Variants in KIF1A observed in about 807,000 individuals in gnomAD.
KIF1A encodes kinesin-like protein KIF1A.
In KIF1A, 46 loss-of-function variants were observed where a neutral mutation model predicts 227.3. That is an observed-to-expected ratio of 0.20 (90% CI 0.16 to 0.26). The LOEUF (loss-of-function observed/expected upper bound fraction) is 0.26. Ranked by LOEUF, KIF1A falls within the 10% of genes least tolerant of loss-of-function variation. The pLI is 1.00. For synonymous variants in KIF1A, 1,022 were observed against 1,012.8 expected (o/e 1.01, Z -0.17); for missense variants, 1,683 against 2,485.9 (o/e 0.68, Z 6.87).
rs1553625168 is a variant in KIF1A, at chr2:240,722,546, G to A, written c.4575C>T (p.Gly1525=). The A allele has an allele frequency of 1.3e-6, 2 of 1,550,668 alleles. No homozygotes were observed. Among genetic ancestry groups the A allele is most frequent in the Non-Finnish European group, 1.7e-6 (2 of 1,147,516 alleles). The change falls in exon 43 of 49, where the codon GGC becomes GGT. Residue 1525 remains glycine, a synonymous_variant. Transcript: ENST00000498729. ...PAFSEDSESH[G]SSSASSPLSA... ...AGAGCGGGGAGGAGGCGCTGGAGGA[G>A]CCATGGGACTCAGAGTCCTCGCTGA...
chr2:240,813,352 C>G (rs970228962), intron 1 of KIF1A, among the ~76,000 whole-genome samples: 1 of 152,218 alleles, frequency 6.6e-6, no homozygotes, highest in African/African-American at 2.4e-5. Context: ...TTCCTGGGAC[C>G]TCAGCCCTGA....
chr2:240,744,485 A>ATC (rs1206269706), intron 32 of KIF1A, among the ~76,000 whole-genome samples: 1 of 152,200 alleles, frequency 6.6e-6, no homozygotes, highest in Non-Finnish European at 1.5e-5. Context: ...ATGAGAGTAT[A>ATC]TCCTGGGATA....
rs1017622352 is a variant in KIF1A, at chr2:240,725,160, G to C, written c.4256+111C>G. 1.8e-5 allele frequency: 22 copies of C among 1,192,282 alleles called. No homozygotes were observed. The Admixed American group carries it at 4.4e-4, about 24-fold the overall frequency. The allele number at this position is 1,192,282 out of a possible 1,614,324, so 73.9% of individuals were successfully genotyped here. Reference sequence around the variant, plus strand: ...CCAGCCAGGAGTGTGGCTGGGCCTCGCACAGGGTGAGCTGCCGGGTGGCCC... The same window carrying C: ...CCAGCCAGGAGTGTGGCTGGGCCTCCCACAGGGTGAGCTGCCGGGTGGCCC... On this transcript the variant is annotated intron_variant, in intron 40 of 48. Transcript: ENST00000498729. This position sits in a 1 kb window ranked among gnomAD's most constrained non-coding sequence, Gnocchi z 5.8.
At chr2:240,750,388 A>G (rs1259887916) in intron 28 of KIF1A, 41 bp downstream of exon 28, 1 of 1,483,014 alleles carries the variant, frequency 6.7e-7, no homozygotes, top group Non-Finnish European at 9.4e-7. Context: ...AGCCAGCCCC[A>G]GGGGCTCCAA....
chr2:240,750,445 G>A lies in KIF1A; in HGVS notation c.2961C>T (p.Ala987=), dbSNP rs778600504. 1.5e-5 allele frequency: 24 copies of A among 1,613,362 alleles called. No individual in the cohort carries two copies. The Admixed American group carries it at 1.5e-4, about 10-fold the overall frequency. ...CACACGCACCTGAGATGGCCTGGAC[G>A]GCCACGCGGAGGAAGCCCTTCACCT... ...KGEVKGFLRV[A]VQAISADEEA... is the part of the protein sequence containing the mutation. Residue 987 remains alanine, a synonymous_variant, in exon 28 of 49, where the codon GCC becomes GCT. Transcript: ENST00000498729.
At chr2:240,749,552 T>C (rs1201138301) in intron 28 of KIF1A, among the ~76,000 whole-genome samples, 1 of 152,144 alleles carries the variant, frequency 6.6e-6, no homozygotes, top group Non-Finnish European at 1.5e-5. Context: ...GGGGAGACCT[T>C]GGTGGAGGAG....
chr2:240,774,524 A>G (rs2125979935), intron 11 of KIF1A, among the ~76,000 whole-genome samples: 1 of 151,914 alleles, frequency 6.6e-6, no homozygotes, highest in African/African-American at 2.4e-5. Flanking sequence ...ATTTGGGGCC[A>G]TTTTACAACC....
chr2:240,755,706 A>G (rs1464284838), intron 27 of KIF1A, among the ~76,000 whole-genome samples: 1 of 152,054 alleles, frequency 6.6e-6, no homozygotes, highest in Non-Finnish European at 1.5e-5. Context: ...ACAAAAGGGG[A>G]AAAAAATGTT....
In KIF1A at chr2:240,792,145, C is replaced by T. The variant is rs1249716726; in HGVS notation, c.107-2833G>A. ...ACACGACGCACAGCCAGACTAGAAG[C>T]CAGGGTCCCCGCAACACCTCCCAGC... On this transcript the variant is annotated intron_variant, in intron 2 of 48. Transcript: ENST00000498729. The surrounding 1 kb of genome is among the most constrained non-coding windows in gnomAD (Gnocchi z 4.5). 1.3e-5 allele frequency among the ~76,000 whole-genome samples: 2 copies of T among 152,086 alleles called. No individual in the cohort carries two copies. Among genetic ancestry groups the T allele is most frequent in the Admixed American group, 6.5e-5 (1 of 15,286 alleles).
At chr2:240,742,343 ACT>A (rs1269054835) in intron 34 of KIF1A, among the ~76,000 whole-genome samples, 2 of 151,694 alleles carry the variant, frequency 1.3e-5, no homozygotes, top group Non-Finnish European at 2.9e-5. Context: ...GCTATGAGAG[ACT>A]CGGCCACACC....
chr2:240,721,177 A>G (rs2045329862), intron 44 of KIF1A, 139 bp from the exon 45 acceptor site: 3 of 1,181,874 alleles, frequency 2.5e-6, no homozygotes, highest in Non-Finnish European at 3.6e-6. Context: ...CCTTGGCTCA[A>G]AGTTGGCCAG....
At position 240,745,849 on chromosome 2, in the gene KIF1A, A is replaced by G. The variant is rs1045126922; in HGVS notation, c.3263T>C (p.Leu1088Pro). The G allele has an allele frequency of 5.6e-6, 9 of 1,612,476 alleles. No individual in the cohort carries two copies. The highest frequency in any genetic ancestry group is 2.7e-5 in the African/African-American group (2 of 74,906). The change falls in exon 31 of 49, where the codon CTG becomes CCG. Residue 1088 changes from leucine (L) to proline (P), a missense_variant. Physicochemically the swap from Leu to Pro is moderately conservative, Grantham distance 98. Coordinates refer to ENST00000498729, the MANE Select transcript of KIF1A (RefSeq NM_001244008.2). ...SSEKAALDGP[L>P]DAALDHLRLG... ...GCGGAGGTGGTCCAGGGCAGCATCCAGGGGCCCATCCAGGGCGGCTTTCTC... is the reference window on the plus strand; with the variant it reads ...GCGGAGGTGGTCCAGGGCAGCATCCGGGGGCCCATCCAGGGCGGCTTTCTC...
chr2:240,765,860 T>C (rs1446633122), intron 19 of KIF1A, 67 bp from the exon 20 acceptor site: 1 of 1,198,968 alleles, frequency 8.3e-7, no homozygotes, highest in East Asian at 2.4e-5. Flanking sequence ...CAGCTCGGCT[T>C]ACCTGGCCCC....
In KIF1A at chr2:240,797,626, G is replaced by A. The variant is rs535955888; in HGVS notation, c.106+21C>T. On this transcript the variant is annotated intron_variant, in intron 2 of 48. Coordinates refer to ENST00000498729, the MANE Select transcript of KIF1A (RefSeq NM_001244008.2). ...CCAGCAACCCATGGCCGACCCCGAT[G>A]CTGTGCAGGCTGATACTCACTGGTG... 116 of 1,550,830 alleles carry A rather than the reference G, an allele frequency of 7.5e-5. 1 individual carries two copies. In the South Asian group the frequency reaches 1.2e-3, roughly 16 times the overall value.
rs766282204 is a variant in KIF1A, at chr2:240,769,150, C to T, written c.1480G>A (p.Val494Ile). 2 of 1,610,364 alleles carry T rather than the reference C, an allele frequency of 1.2e-6. No individual in the cohort carries two copies. The highest frequency in any genetic ancestry group is 1.7e-6 in the Non-Finnish European group (2 of 1,178,634). The change falls in exon 17 of 49, where the codon GTA (valine) becomes ATA (isoleucine). Residue 494 changes from valine to isoleucine, a missense_variant. Val to Ile is a conservative substitution (Grantham distance 29). Transcript: ENST00000498729. ...AMREDGGTLG[V>I]FSPKKTPHLV... ...GCTCCTACCTTTTTGGGAGAGAATACGCCCAAGGTGCCGCCATCCTCCCTC... is the reference window on the plus strand; with the variant it reads ...GCTCCTACCTTTTTGGGAGAGAATATGCCCAAGGTGCCGCCATCCTCCCTC...
chr2:240,720,898 C>A lies in KIF1A; in HGVS notation c.4868+16G>T. ...GTGGTGCCAGAAGCCACTCCGGGAG[C>A]CTGGAGCTCACTCACCTCAGGTCAG... On this transcript the variant is annotated intron_variant, in intron 45 of 48. Transcript: ENST00000498729. 6.5e-7 allele frequency: 1 copy of A among 1,546,580 alleles called. No individual in the cohort carries two copies. The highest frequency in any genetic ancestry group is 8.8e-7 in the Non-Finnish European group (1 of 1,140,106).
At chr2:240,820,324 G>A (rs964192941), upstream of KIF1A, 4 of 151,184 alleles carry the variant, frequency 2.6e-5, no homozygotes, top group African/African-American at 9.7e-5. The surrounding 1 kb of genome is among the most constrained non-coding windows in gnomAD (Gnocchi z 6.2). Flanking sequence ...CCAGTCGCCA[G>A]CTGGTTTGTC....
intron 16 of KIF1A, among the ~76,000 whole-genome samples, 184 bp downstream of exon 16, chr2:240,769,443 G>A (rs1372888484): frequency 6.6e-6 from 1 of 152,242 alleles, no homozygotes; most frequent in African/African-American, 2.4e-5. Context: ...GTGGCTAGCA[G>A]CCAGCAGTAC....
chr2:240,751,820 G>T (rs889365741), intron 27 of KIF1A, among the ~76,000 whole-genome samples: 1 of 151,958 alleles, frequency 6.6e-6, no homozygotes, highest in African/African-American at 2.4e-5. Context: ...TGGATGCCCC[G>T]GGTGTCTCTG....
Sources: allele counts gnomAD v4.1 joint callset (sites outside exome capture counted in the v4.1 genomes callset), GRCh38; gene constraint gnomAD v4.1.1; non-coding constraint Gnocchi (gnomAD v3.1); transcripts MANE v1.5; gene names NCBI Gene and HGNC (gene_info 2026-07-23, HGNC 2026-07-21).